IGSF21: variants seen among roughly 807,000 people sequenced by gnomAD.
IGSF21 encodes the protein immunoglobulin superfamily member 21.
IGSF21 carries 28 observed loss-of-function variants against 46.8 expected under a neutral mutation model. The ratio of observed to expected loss-of-function variants is 0.60; its 90% CI spans 0.44 to 0.82. IGSF21 has a LOEUF of 0.82. Ranked by LOEUF, IGSF21 falls within the 40% of genes least tolerant of loss-of-function variation. The pLI, the probability that IGSF21 is intolerant of heterozygous loss-of-function variation, is 0.00. For missense variants in IGSF21, 624 were observed against 665.5 expected, an observed-to-expected ratio of 0.94 and a Z score of 0.69; for synonymous variants, 284 against 273.6, an observed-to-expected ratio of 1.04 and a Z score of -0.38.
intron 2 of IGSF21, among the ~76,000 whole-genome samples, chr1:18,249,350 C>A (rs1230860349): frequency 6.6e-6 from 1 of 152,124 alleles, no homozygotes; most frequent in Non-Finnish European, 1.5e-5. Context: ...GTTAGGGGAT[C>A]AGCAGTTGGG....
rs78539277 is a variant in IGSF21 at position 18,195,869 on chromosome 1, G to C, written c.71-32029G>C. 2.5e-3 allele frequency among the ~76,000 whole-genome samples: 377 copies of C among 152,328 alleles called. 2 individuals carry two copies. Among genetic ancestry groups the C allele is most frequent in the Non-Finnish European group, 4.1e-3 (280 of 68,028 alleles). ...CCTAGGGCAGTGCATGGCAATAGTA[G>C]AGCCCAGAGAGAAGCCTGGTCCAGA... On this transcript the variant is annotated intron_variant, in intron 1 of 9. Transcript: ENST00000251296.
intron 4 of IGSF21, among the ~76,000 whole-genome samples, chr1:18,352,259 C>T (rs1311110443): frequency 1.3e-5 from 2 of 152,164 alleles, no homozygotes; most frequent in Non-Finnish European, 2.9e-5. Flanking sequence ...TGAACCAAGC[C>T]CTTAGTTCAC....
At chr1:18,253,305 C>T (rs2084860237) in intron 2 of IGSF21, among the ~76,000 whole-genome samples, 1 of 152,230 alleles carries the variant, frequency 6.6e-6, no homozygotes, top group Non-Finnish European at 1.5e-5. Context: ...ATGGGCTACA[C>T]TGTTTCCTGG....
In IGSF21 at chr1:18,198,379, C is replaced by T. The variant is rs116126470; in HGVS notation, c.71-29519C>T. Among the ~76,000 whole-genome samples the T allele has an allele frequency of 6.2e-3, 938 of 152,208 alleles. 9 individuals are homozygous for T. Among genetic ancestry groups the T allele is most frequent in the African/African-American group, 0.021 (882 of 41,534 alleles). On this transcript the variant is annotated intron_variant, in intron 1 of 9. Transcript: ENST00000251296. ...ATAGCTGCCGGGACCCACATGGGCC[C>T]GTAGGGTGGCCCTGCCCATGCAGAG...
At chr1:18,138,436 CT>C (rs2086386590) in intron 1 of IGSF21, among the ~76,000 whole-genome samples, 1 of 152,114 alleles carries the variant, frequency 6.6e-6, no homozygotes, top group Non-Finnish European at 1.5e-5. Flanking sequence ...TTATTGCTTG[CT>C]TTTGGGGTTC....
At chr1:18,306,063 C>G in intron 3 of IGSF21, among the ~76,000 whole-genome samples, 1 of 152,174 alleles carries the variant, frequency 6.6e-6, no homozygotes, top group East Asian at 1.9e-4. Context: ...CCAGAGTGAG[C>G]TTTCTAAAGT....
At chr1:18,122,296 T>C (rs1406649138) in intron 1 of IGSF21, among the ~76,000 whole-genome samples, 3 of 148,692 alleles carry the variant, frequency 2.0e-5, no homozygotes, top group Non-Finnish European at 3.0e-5. Context: ...GCCCCCAGGG[T>C]TCTCATGCCT....
At chr1:18,261,997 A>G (rs919331635) in intron 2 of IGSF21, among the ~76,000 whole-genome samples, 2 of 152,264 alleles carry the variant, frequency 1.3e-5, no homozygotes, top group Admixed American at 6.5e-5. Context: ...GAGTTGCTAA[A>G]TCTCCAATGT....
intron 1 of IGSF21, among the ~76,000 whole-genome samples, chr1:18,201,909 C>A (rs1013464515): frequency 6.6e-6 from 1 of 152,184 alleles, no homozygotes; most frequent in Non-Finnish European, 1.5e-5. Flanking sequence ...TGATTAAACC[C>A]ATCTGAAAAT....
At chr1:18,217,658 A>T (rs1219883033) in intron 1 of IGSF21, among the ~76,000 whole-genome samples, 1 of 152,154 alleles carries the variant, frequency 6.6e-6, no homozygotes. Context: ...CTCCAGCAAG[A>T]CTTCTTGTGT....
intron 1 of IGSF21, among the ~76,000 whole-genome samples, chr1:18,174,375 A>T (rs1244124424): frequency 1.3e-5 from 2 of 152,300 alleles, no homozygotes; most frequent in East Asian, 1.9e-4. Flanking sequence ...TCAAGCTTTC[A>T]TGCTTCATTA....
chr1:18,274,506 G>A (rs1457282737), intron 2 of IGSF21, among the ~76,000 whole-genome samples: 1 of 152,236 alleles, frequency 6.6e-6, no homozygotes, highest in Non-Finnish European at 1.5e-5. Context: ...CTGGCCATCT[G>A]TTTTTGTAAA....
At chr1:18,206,001 C>G (rs1205283924) in intron 1 of IGSF21, among the ~76,000 whole-genome samples, 4 of 152,232 alleles carry the variant, frequency 2.6e-5, no homozygotes, top group African/African-American at 9.6e-5. Flanking sequence ...GCTGGACACA[C>G]TACAGTGAAC....
intron 1 of IGSF21, chr1:18,115,346 C>T (rs1181742531): frequency 6.6e-6 from 1 of 152,318 alleles, no homozygotes; most frequent in African/African-American, 2.4e-5. Flanking sequence ...TGAAAGCAGC[C>T]CTCCTTGGGG....
chr1:18,233,473 T>G (rs1557599427), intron 2 of IGSF21, among the ~76,000 whole-genome samples: 1 of 152,202 alleles, frequency 6.6e-6, no homozygotes, highest in African/African-American at 2.4e-5. Flanking sequence ...TGTGTGAGTT[T>G]GACCTTGGGT....
At chr1:18,313,161 G>A (rs1439990808) in intron 3 of IGSF21, among the ~76,000 whole-genome samples, 2 of 152,204 alleles carry the variant, frequency 1.3e-5, no homozygotes, top group African/African-American at 2.4e-5. Context: ...GAGGGACAGG[G>A]AGGACCGCCG....
chr1:18,171,190 C>T (rs762395596), intron 1 of IGSF21, among the ~76,000 whole-genome samples: 4 of 152,020 alleles, frequency 2.6e-5, no homozygotes, highest in Non-Finnish European at 5.9e-5. Context: ...CAGAGCCACC[C>T]TAGGCTCAGT....
intron 1 of IGSF21, among the ~76,000 whole-genome samples, chr1:18,172,848 C>G (rs184049265): frequency 5.8e-4 from 88 of 152,292 alleles, no homozygotes; most frequent in Admixed American, 2.7e-3. Context: ...CAGAGCTAGG[C>G]TTTGAACAGA....
intron 2 of IGSF21, among the ~76,000 whole-genome samples, chr1:18,257,671 G>C (rs1478477423): frequency 6.6e-6 from 1 of 152,174 alleles, no homozygotes. Context: ...AGAAAGGCTT[G>C]GGTACAGTGA....
Sources: allele counts gnomAD v4.1 joint callset (sites outside exome capture counted in the v4.1 genomes callset), GRCh38; gene constraint gnomAD v4.1.1; transcripts MANE v1.5; gene names NCBI Gene and HGNC (gene_info 2026-07-23, HGNC 2026-07-21).